The following MBNL2 variants were observed in gnomAD, a reference collection of about 807,000 sequenced individuals.
MBNL2 encodes the protein muscleblind-like protein 2.
A neutral mutation model predicts 41.9 loss-of-function variants in MBNL2; 17 were observed. That is an observed-to-expected ratio of 0.41 (90% CI 0.28 to 0.61). MBNL2 has a LOEUF of 0.61. Among genes scored for constraint, MBNL2 ranks in the 20% least tolerant of loss-of-function variants. MBNL2 has a pLI of 0.35. For synonymous variants in MBNL2, 195 were observed against 182.9 expected (o/e 1.07, Z -0.53); for missense variants, 336 against 505.6 (o/e 0.66, Z 3.22).
intron 2 of MBNL2, among the ~76,000 whole-genome samples, chr13:97,315,188 G>T (rs1304215439): frequency 6.6e-6 from 1 of 152,116 alleles, no homozygotes; most frequent in South Asian, 2.1e-4. Context: ...ATTATCACAT[G>T]TATTTCTGTT....
At chr13:97,388,163 C>A (rs1023541449) in intron 8 of MBNL2, among the ~76,000 whole-genome samples, 1 of 152,020 alleles carries the variant, frequency 6.6e-6, no homozygotes, top group Non-Finnish European at 1.5e-5. Flanking sequence ...AGATGAGTAG[C>A]CCATGTGCCA....
chr13:97,217,836 G>A (rs763013843), upstream of MBNL2, among the ~76,000 whole-genome samples: 1 of 152,038 alleles, frequency 6.6e-6, no homozygotes, highest in Non-Finnish European at 1.5e-5. Context: ...AGGCAGAGAG[G>A]TAAGGAACAG....
chr13:97,330,542 T>G (rs138196606), intron 2 of MBNL2, among the ~76,000 whole-genome samples: 2 of 152,294 alleles, frequency 1.3e-5, no homozygotes, highest in Non-Finnish European at 2.9e-5. Flanking sequence ...CAAGGAAGAT[T>G]TTTCCCAGAC....
At chr13:97,279,691 A>G (rs1253190609) in intron 2 of MBNL2, among the ~76,000 whole-genome samples, 1 of 152,176 alleles carries the variant, frequency 6.6e-6, no homozygotes, top group African/African-American at 2.4e-5. Context: ...CTGCGAAAGG[A>G]ATCTATGTTG....
the MBNL2 span, among the ~76,000 whole-genome samples, chr13:97,167,532 T>C: frequency 6.6e-6 from 1 of 152,218 alleles, no homozygotes; most frequent in Non-Finnish European, 1.5e-5. Context: ...TATAAAAGTC[T>C]ATTGTTTTCT....
At chr13:97,359,072 TAGG>T (rs1279276491) in intron 7 of MBNL2, among the ~76,000 whole-genome samples, 2 of 152,202 alleles carry the variant, frequency 1.3e-5, no homozygotes, top group Non-Finnish European at 1.5e-5. Context: ...CAGTATTTAT[TAGG>T]AGTTCACTTT....
chr13:97,352,504 T>C (rs2062591274), intron 5 of MBNL2, among the ~76,000 whole-genome samples: 1 of 152,124 alleles, frequency 6.6e-6, no homozygotes, highest in African/African-American at 2.4e-5. Flanking sequence ...AGGCATGACG[T>C]TTATCGATTA....
intron 1 of MBNL2, among the ~76,000 whole-genome samples, chr13:97,227,013 C>G (rs957379796): frequency 6.7e-6 from 1 of 149,706 alleles, no homozygotes; most frequent in Non-Finnish European, 1.5e-5. Flanking sequence ...ATTTCGCTTT[C>G]CCCCTTTTTC....
intron 1 of MBNL2, among the ~76,000 whole-genome samples, chr13:97,247,917 G>A (rs930090321): frequency 2.0e-5 from 3 of 152,090 alleles, no homozygotes; most frequent in African/African-American, 2.4e-5. Context: ...GTCTCAAAGC[G>A]TATACGACAA....
Position 97,324,888 on chromosome 13 carries a change from C to G in MBNL2, c.175-9388C>G, listed in dbSNP as rs1367106688. Among the ~76,000 whole-genome samples the G allele has an allele frequency of 2.6e-5, 4 of 152,302 alleles. No homozygotes were observed. The East Asian group carries it at 7.7e-4, about 29-fold the overall frequency. The stretch of plus-strand genomic sequence containing the variant: ...AGGCCAGAAGACTCAGCAGGTTGTT[C>G]ATTCCACATCCTTCTGCCTGCTTTT... On this transcript the variant is annotated intron_variant, in intron 2 of 8. Coordinates refer to ENST00000679496, the MANE Select transcript of MBNL2 (RefSeq NM_001382683.1).
intron 8 of MBNL2, among the ~76,000 whole-genome samples, chr13:97,374,383 G>C (rs1344510520): frequency 6.6e-6 from 1 of 150,878 alleles, no homozygotes; most frequent in Non-Finnish European, 1.5e-5. Flanking sequence ...TCCTGACCTC[G>C]TGATCCGCCC....
chr13:97,143,745 T>C, the MBNL2 span, among the ~76,000 whole-genome samples: 4 of 152,380 alleles, frequency 2.6e-5, no homozygotes, highest in African/African-American at 9.6e-5. Flanking sequence ...ATTTAATTTC[T>C]CTATATGTAT....
chr13:97,259,841 C>A (rs1036282055), intron 1 of MBNL2, among the ~76,000 whole-genome samples: 10 of 152,124 alleles, frequency 6.6e-5, no homozygotes, highest in African/African-American at 2.2e-4. Flanking sequence ...ACAGAGCAAA[C>A]CATGAAGGCG....
At chr13:97,206,445 T>C in the MBNL2 span, among the ~76,000 whole-genome samples, 3 of 152,138 alleles carry the variant, frequency 2.0e-5, no homozygotes, top group Admixed American at 6.5e-5. Flanking sequence ...TCCTGAGTGT[T>C]GATAATTAGG....
the MBNL2 span, among the ~76,000 whole-genome samples, chr13:97,171,707 C>G: frequency 6.6e-6 from 1 of 152,086 alleles, no homozygotes; most frequent in Non-Finnish European, 1.5e-5. Flanking sequence ...GGAGGATGGA[C>G]CTATGTAAAA....
the MBNL2 span, among the ~76,000 whole-genome samples, chr13:97,167,311 T>G: frequency 6.6e-6 from 1 of 152,124 alleles, no homozygotes; most frequent in East Asian, 1.9e-4. Flanking sequence ...GTCTCTTGAT[T>G]GTATGAATTC....
chr13:97,378,385 G>A (rs1226199627), intron 8 of MBNL2, among the ~76,000 whole-genome samples: 4 of 152,082 alleles, frequency 2.6e-5, no homozygotes, highest in Non-Finnish European at 5.9e-5. Context: ...CCTAGAAGCC[G>A]GGTTTGAACC....
At chr13:97,345,828 G>C (rs768820682) in intron 4 of MBNL2, among the ~76,000 whole-genome samples, 4 of 125,484 alleles carry the variant, frequency 3.2e-5, no homozygotes, top group Non-Finnish European at 6.3e-5. Context: ...TTTTTGTACA[G>C]CTATGACCTG....
intron 1 of MBNL2, among the ~76,000 whole-genome samples, chr13:97,269,147 A>G (rs2050417442): frequency 6.6e-6 from 1 of 152,226 alleles, no homozygotes; most frequent in African/African-American, 2.4e-5. Flanking sequence ...TAGGTTCTGC[A>G]CTGGAAGGAG....
Sources: gnomAD v4.1 joint callset for allele counts (sites outside exome capture counted in the v4.1 genomes callset) on GRCh38, gnomAD v4.1.1 for gene constraint, MANE v1.5 for transcripts, NCBI Gene and HGNC (gene_info 2026-07-23, HGNC 2026-07-21) for gene names.